The following SIM1 variants were observed in gnomAD, a reference collection of about 807,000 sequenced individuals.
SIM1 encodes the protein SIM bHLH transcription factor 1, also known as single-minded homolog 1.
SIM1 carries 18 observed loss-of-function variants against 78.2 expected under a neutral mutation model. The observed-to-expected ratio is 0.23, with a 90% confidence interval of 0.16 to 0.34. The LOEUF (loss-of-function observed/expected upper bound fraction) is 0.34, where lower values mean the gene tolerates loss of function less well. Ranked by LOEUF, SIM1 falls within the 10% of genes least tolerant of loss-of-function variation. SIM1 has a pLI of 1.00. For missense variants in SIM1, 939 were observed against 975.1 expected, an observed-to-expected ratio of 0.96 and a Z score of 0.49; for synonymous variants, 417 against 385.2, an observed-to-expected ratio of 1.08 and a Z score of -0.97.
At chr6:100,462,925 G>A in intron 2 of SIM1, 1 of 181,790 alleles carries the variant, frequency 5.5e-6, no homozygotes, top group Non-Finnish European at 1.1e-5. Flanking sequence ...ATTAGGCGGT[G>A]CTCCTGGTTT....
chr6:100,418,506 G>A (rs1395123), intron 10 of SIM1, among the ~76,000 whole-genome samples: 3,678 of 152,158 alleles, frequency 0.024, 141 homozygotes, highest in African/African-American at 0.084. Flanking sequence ...CTCACCACAT[G>A]GAAGGGGTAG....
At chr6:100,413,131 A>G (rs1479624779) in intron 10 of SIM1, among the ~76,000 whole-genome samples, 1 of 152,176 alleles carries the variant, frequency 6.6e-6, no homozygotes. Context: ...ATCTCATTAC[A>G]TACTACATGT....
At chr6:100,457,809 G>A (rs1772711763) in intron 2 of SIM1, among the ~76,000 whole-genome samples, 1 of 152,132 alleles carries the variant, frequency 6.6e-6, no homozygotes, top group Admixed American at 6.5e-5. Context: ...TGAGGGCATC[G>A]GCGAGCGCGC....
In SIM1 at chr6:100,422,838, C is replaced by T. The variant is rs1189441328; in HGVS notation, c.999-1880G>A. On this transcript the variant is annotated intron_variant, in intron 9 of 11. Transcript: ENST00000369208. ...TTTTTACTTGTCAATTTAAAATGGA[C>T]AAAATATAATTCAGACAAGGAGTCT... 1.4e-4 allele frequency among the ~76,000 whole-genome samples: 21 copies of T among 152,014 alleles called. 1 individual carries two copies.
At chr6:100,394,248 A>T (rs952782337) in intron 10 of SIM1, among the ~76,000 whole-genome samples, 8 of 152,174 alleles carry the variant, frequency 5.3e-5, no homozygotes, top group Non-Finnish European at 7.4e-5. Context: ...CAGTTTAGGG[A>T]TAGAGAAGCT....
At chr6:100,401,366 T>C (rs1770911092) in intron 10 of SIM1, among the ~76,000 whole-genome samples, 1 of 152,072 alleles carries the variant, frequency 6.6e-6, no homozygotes, top group African/African-American at 2.4e-5. Context: ...AAATAACAAA[T>C]GCTATTAGGG....
At chr6:100,430,431 C>G (rs537084231) in intron 9 of SIM1, among the ~76,000 whole-genome samples, 1 of 152,250 alleles carries the variant, frequency 6.6e-6, no homozygotes, top group East Asian at 1.9e-4. Flanking sequence ...TCAGTCTCTT[C>G]TTCCACAATC....
intron 9 of SIM1, among the ~76,000 whole-genome samples, chr6:100,429,432 T>C (rs928920926): frequency 3.3e-5 from 5 of 151,698 alleles, no homozygotes; most frequent in African/African-American, 7.3e-5. Flanking sequence ...TTCAGTTTAA[T>C]TATAAATAAT....
chr6:100,451,285 A>G (rs1251534595), intron 3 of SIM1, among the ~76,000 whole-genome samples: 5 of 152,198 alleles, frequency 3.3e-5, no homozygotes, highest in Admixed American at 3.3e-4. Context: ...CTTGGACTGG[A>G]GAAGAGAGAA....
At chr6:100,462,759 AATTT>A (rs1224427509) in intron 2 of SIM1, 2 of 152,274 alleles carry the variant, frequency 1.3e-5, no homozygotes, top group African/African-American at 4.8e-5. Flanking sequence ...ATTTGCTTAG[AATTT>A]ATTTAAGAAC....
chr6:100,434,901 G>A (rs1039229223), intron 9 of SIM1, among the ~76,000 whole-genome samples: 1 of 152,118 alleles, frequency 6.6e-6, no homozygotes, highest in Non-Finnish European at 1.5e-5. Context: ...GCGGGGGTGG[G>A]GGAAGGATCC....
chr6:100,390,301 G>A lies in SIM1; in HGVS notation c.*60C>T. Reference sequence around the variant, plus strand: ...GTGGCATAGTAAATGCTGGTAATGGGGTATTAAACTATAAATATGTTTCAG... The same window carrying A: ...GTGGCATAGTAAATGCTGGTAATGGAGTATTAAACTATAAATATGTTTCAG... On this transcript the variant is annotated 3_prime_UTR_variant, in exon 12 of 12. Coordinates refer to ENST00000369208, the MANE Select transcript of SIM1 (RefSeq NM_005068.3). 6.6e-7 allele frequency: 1 copy of A among 1,524,660 alleles called. No homozygotes were observed. The highest frequency in any genetic ancestry group is 1.3e-5 in the South Asian group (1 of 78,744). 94.4% of individuals were successfully genotyped at this position (1,524,660 alleles called of 1,614,324 possible).
At position 100,385,955 on chromosome 6, in the gene SIM1, T is replaced by C. The variant is rs1373981008; in HGVS notation, c.*4406A>G. ...TTCTATGTCTGATACCTTTTGCATGTGTCCATAACTGTTGTCATTCATTTA... is the reference window on the plus strand; with the variant it reads ...TTCTATGTCTGATACCTTTTGCATGCGTCCATAACTGTTGTCATTCATTTA... On this transcript the variant is annotated 3_prime_UTR_variant, in exon 12 of 12. Coordinates refer to ENST00000369208, the MANE Select transcript of SIM1 (RefSeq NM_005068.3). 2 of 152,024 alleles carry C rather than the reference T, an allele frequency of 1.3e-5. No individual in the cohort carries two copies. The highest frequency in any genetic ancestry group is 2.9e-5 in the Non-Finnish European group (2 of 67,904). 9.4% of individuals were successfully genotyped at this position (152,024 alleles called of 1,614,324 possible). A position where few individuals can be genotyped will look rare whatever the true frequency, so the allele number is the denominator to read the frequency against.
At chr6:100,453,328 T>C (rs937859905) in intron 3 of SIM1, among the ~76,000 whole-genome samples, 3 of 152,218 alleles carry the variant, frequency 2.0e-5, no homozygotes, top group African/African-American at 7.2e-5. Flanking sequence ...TGGAAAGACG[T>C]GGGCTTAAAG....
intron 10 of SIM1, among the ~76,000 whole-genome samples, chr6:100,399,058 A>T (rs1233511278): frequency 6.6e-6 from 1 of 151,970 alleles, no homozygotes; most frequent in Non-Finnish European, 1.5e-5. Context: ...GATGTTGAGC[A>T]TCCTTCCGCA....
At chr6:100,424,996 C>G (rs971127037) in intron 9 of SIM1, among the ~76,000 whole-genome samples, 2 of 152,162 alleles carry the variant, frequency 1.3e-5, no homozygotes, top group African/African-American at 4.8e-5. Flanking sequence ...GAAATATCAA[C>G]TTGAATTGCA....
intron 2 of SIM1, among the ~76,000 whole-genome samples, chr6:100,460,072 T>C (rs1490270544): frequency 6.6e-6 from 1 of 152,240 alleles, no homozygotes; most frequent in East Asian, 1.9e-4. Context: ...CCTAATTTTC[T>C]TTTTTCTCTG....
At chr6:100,439,110 T>TA (rs1229713419) in intron 9 of SIM1, among the ~76,000 whole-genome samples, 1 of 151,866 alleles carries the variant, frequency 6.6e-6, no homozygotes, top group Admixed American at 6.6e-5. Flanking sequence ...TATTGAAATT[T>TA]AAAAAAAAGA....
intron 9 of SIM1, among the ~76,000 whole-genome samples, chr6:100,434,379 G>A (rs1266499640): frequency 6.6e-6 from 1 of 152,126 alleles, no homozygotes; most frequent in African/African-American, 2.4e-5. Flanking sequence ...GTCTCTTAAC[G>A]GCCTATCAAA....
Sources: gnomAD v4.1 joint callset for allele counts (sites outside exome capture counted in the v4.1 genomes callset) on GRCh38, gnomAD v4.1.1 for gene constraint, MANE v1.5 for transcripts, NCBI Gene and HGNC (gene_info 2026-07-23, HGNC 2026-07-21) for gene names.